The following TBC1D5 variants were observed in gnomAD, a reference collection of about 807,000 sequenced individuals.
TBC1D5 encodes TBC1 domain family, member 5.
A neutral mutation model predicts 100.3 loss-of-function variants in TBC1D5; 75 were observed. That is an observed-to-expected ratio of 0.75 (90% CI 0.62 to 0.91). TBC1D5 has a LOEUF of 0.91. Among genes scored for constraint, TBC1D5 ranks in the 40% least tolerant of loss-of-function variants. The probability of loss-of-function intolerance (pLI) is 0.00; values close to 1 mark genes in which losing one functional copy is unlikely to be tolerated. For synonymous variants in TBC1D5, 323 were observed against 325.6 expected (o/e 0.99, Z 0.09); for missense variants, 910 against 942.4 (o/e 0.97, Z 0.45).
At chr3:17,672,354 G>C (rs1329717614) in intron 1 of TBC1D5, among the ~76,000 whole-genome samples, 2 of 151,996 alleles carry the variant, frequency 1.3e-5, no homozygotes, top group Non-Finnish European at 2.9e-5. Flanking sequence ...ATACTCAAGA[G>C]TTCACTGTTA....
At chr3:17,363,850 A>G (rs749112625) in intron 13 of TBC1D5, among the ~76,000 whole-genome samples, 21 of 151,972 alleles carry the variant, frequency 1.4e-4, no homozygotes, top group Non-Finnish European at 2.6e-4. Flanking sequence ...GACTCTATAT[A>G]TAAAAAATAA....
At chr3:17,165,092 C>T (rs144964477) in intron 21 of TBC1D5, among the ~76,000 whole-genome samples, 8 of 152,210 alleles carry the variant, frequency 5.3e-5, no homozygotes, top group East Asian at 1.9e-4. Flanking sequence ...GGATACTGCA[C>T]GTGATGAGGC....
At chr3:17,333,570 T>C (rs1034878718) in intron 13 of TBC1D5, 4 of 152,058 alleles carry the variant, frequency 2.6e-5, no homozygotes, top group African/African-American at 9.7e-5. Context: ...GAGTAGGAAA[T>C]AGCAAGATCC....
chr3:17,704,700 C>T (rs868014421), intron 1 of TBC1D5, among the ~76,000 whole-genome samples: 28 of 48,762 alleles, frequency 5.7e-4, no homozygotes, highest in Admixed American at 1.0e-3. Flanking sequence ...GGCGGGGGGC[C>T]GACCCCCCCA....
At chr3:17,162,689 C>CTGTT (rs938507624) in intron 21 of TBC1D5, among the ~76,000 whole-genome samples, 44 of 152,314 alleles carry the variant, frequency 2.9e-4, no homozygotes, top group African/African-American at 9.1e-4. Context: ...GGCACCAGAG[C>CTGTT]TGTTTGGTAG....
At chr3:17,260,277 A>G (rs530465036) in intron 15 of TBC1D5, among the ~76,000 whole-genome samples, 112 of 152,322 alleles carry the variant, frequency 7.4e-4, no homozygotes, top group Admixed American at 2.4e-3. Context: ...GACTTCCAAC[A>G]AACTACTAAA....
intron 4 of TBC1D5, among the ~76,000 whole-genome samples, chr3:17,421,423 T>C (rs930318306): frequency 2.0e-5 from 3 of 152,196 alleles, no homozygotes; most frequent in South Asian, 2.1e-4. Context: ...AAGAAGCGAT[T>C]ATATAAAAGT....
chr3:17,180,743 T>C (rs552442882), intron 19 of TBC1D5, among the ~76,000 whole-genome samples: 99 of 151,988 alleles, frequency 6.5e-4, no homozygotes, highest in South Asian at 2.5e-3. Context: ...ACATAGAGCA[T>C]GGAATAATAG....
At chr3:17,490,034 C>T (rs1211022688) in intron 3 of TBC1D5, among the ~76,000 whole-genome samples, 1 of 152,182 alleles carries the variant, frequency 6.6e-6, no homozygotes, top group African/African-American at 2.4e-5. Context: ...TTAATAATCA[C>T]CATTCTTACT....
chr3:17,665,655 A>C (rs1313287570), intron 1 of TBC1D5, among the ~76,000 whole-genome samples: 1 of 152,166 alleles, frequency 6.6e-6, no homozygotes, highest in African/African-American at 2.4e-5. Flanking sequence ...ACAATAACTC[A>C]CAAATTTTTT....
At chr3:17,304,688 G>A (rs533537164) in intron 14 of TBC1D5, among the ~76,000 whole-genome samples, 30 of 152,070 alleles carry the variant, frequency 2.0e-4, no homozygotes, top group Non-Finnish European at 3.4e-4. Flanking sequence ...TTACAGTTTC[G>A]AGCCACCATG....
chr3:17,700,206 C>T (rs34002492), intron 1 of TBC1D5, among the ~76,000 whole-genome samples: 1 of 151,274 alleles, frequency 6.6e-6, no homozygotes, highest in African/African-American at 2.4e-5. Flanking sequence ...TTTGACAAAC[C>T]TGACAAAAAC....
intron 9 of TBC1D5, among the ~76,000 whole-genome samples, chr3:17,382,938 T>C (rs2093008535): frequency 6.6e-6 from 1 of 152,056 alleles, no homozygotes; most frequent in Admixed American, 6.6e-5. Context: ...TGGTTGCCCT[T>C]ATAAATGCAA....
At chr3:17,230,958 C>T (rs558302017) in intron 17 of TBC1D5, among the ~76,000 whole-genome samples, 8 of 152,170 alleles carry the variant, frequency 5.3e-5, no homozygotes, top group Admixed American at 2.6e-4. Context: ...GTAAATGCTA[C>T]GTAAATGGTG....
chr3:17,434,494 G>A (rs139857048), intron 3 of TBC1D5, among the ~76,000 whole-genome samples: 3 of 152,332 alleles, frequency 2.0e-5, no homozygotes, highest in African/African-American at 7.2e-5. Flanking sequence ...AGCTGAAGCA[G>A]CTGGGATCCA....
At chr3:17,734,726 T>C (rs1352773678) in intron 1 of TBC1D5, among the ~76,000 whole-genome samples, 1 of 152,192 alleles carries the variant, frequency 6.6e-6, no homozygotes, top group Non-Finnish European at 1.5e-5. Flanking sequence ...TCAAATGGCT[T>C]TGTTGTAAAG....
chr3:17,466,473 A>G (rs1411793947), intron 3 of TBC1D5, among the ~76,000 whole-genome samples: 1 of 152,246 alleles, frequency 6.6e-6, no homozygotes, highest in Non-Finnish European at 1.5e-5. Flanking sequence ...GTAAGAAGAC[A>G]CATCTAAAGC....
intron 19 of TBC1D5, among the ~76,000 whole-genome samples, chr3:17,177,097 C>A (rs1476430539): frequency 6.6e-6 from 1 of 152,060 alleles, no homozygotes; most frequent in Non-Finnish European, 1.5e-5. Context: ...AGATGATGGA[C>A]TTGGTATTAA....
At chr3:17,579,652 C>T (rs2096680613) in intron 2 of TBC1D5, among the ~76,000 whole-genome samples, 1 of 152,004 alleles carries the variant, frequency 6.6e-6, no homozygotes, top group Non-Finnish European at 1.5e-5. Context: ...AAAACATTCA[C>T]AATTTGACCA....
Sources: allele counts gnomAD v4.1 joint callset (sites outside exome capture counted in the v4.1 genomes callset), GRCh38; gene constraint gnomAD v4.1.1; transcripts MANE v1.5; gene names NCBI Gene and HGNC (gene_info 2026-07-23, HGNC 2026-07-21).